Variants in RASL12 observed in about 807,000 individuals in gnomAD.
The protein encoded by RASL12 is RAS like family 12.
Under a neutral mutation model 22.9 loss-of-function variants are expected in RASL12, and 16 were observed. That is an observed-to-expected ratio of 0.70 (90% CI 0.47 to 1.06). The LOEUF is 1.06. RASL12 is among the 50% of genes least tolerant of loss of function. The pLI is 0.00. For synonymous variants in RASL12, 159 were observed against 152.2 expected, an observed-to-expected ratio of 1.04 and a Z score of -0.33; for missense variants, 306 against 353.1, an observed-to-expected ratio of 0.87 and a Z score of 1.07.
At chr15:65,068,127 T>G, upstream of RASL12, 1 of 1,022,122 alleles carries the variant, frequency 9.8e-7, no homozygotes, top group Non-Finnish European at 1.2e-6. This position sits in a 1 kb window ranked among gnomAD's most constrained non-coding sequence, Gnocchi z 4.2. Context: ...AGGGAGCTCC[T>G]GCCGGCCGCG....
intron 4 of RASL12, among the ~76,000 whole-genome samples, chr15:65,056,202 C>T (rs779913861): frequency 8.5e-5 from 13 of 152,134 alleles, no homozygotes; most frequent in South Asian, 2.1e-4. Context: ...TGAGCTGTCC[C>T]GCTGCCCATT....
chr15:65,052,959 C>T, downstream of RASL12: 1 of 1,513,056 alleles, frequency 6.6e-7, no homozygotes. Flanking sequence ...GTTCCCTGTC[C>T]CCCCAGAAAA....
intron 2 of RASL12, 83 bp from the exon 3 acceptor site, chr15:65,059,501 G>A: frequency 1.8e-6 from 2 of 1,084,474 alleles, no homozygotes; most frequent in Non-Finnish European, 2.8e-6. Context: ...CCCCTGTGTG[G>A]CCTGGGGGGA....
chr15:65,068,083 C>T (rs1195759888), upstream of RASL12: 14 of 1,061,524 alleles, frequency 1.3e-5, no homozygotes, highest in Middle Eastern at 4.3e-4. This position sits in a 1 kb window ranked among gnomAD's most constrained non-coding sequence, Gnocchi z 4.2. Flanking sequence ...CGGAGCCCCC[C>T]GCGGGGCGCG....
chr15:65,059,134 A>G (rs1453522936), intron 3 of RASL12, among the ~76,000 whole-genome samples: 1 of 152,238 alleles, frequency 6.6e-6, no homozygotes, highest in Non-Finnish European at 1.5e-5. Flanking sequence ...GCCAGCAACC[A>G]TCATGTCTCT....
At chr15:65,072,608 T>C (rs1038683266), upstream of RASL12, among the ~76,000 whole-genome samples, 1 of 152,132 alleles carries the variant, frequency 6.6e-6, no homozygotes, top group African/African-American at 2.4e-5. Context: ...CAAGAGGAGA[T>C]AATTATTAAG....
At chr15:65,065,971 C>G (rs1471528488) in intron 1 of RASL12, among the ~76,000 whole-genome samples, 1 of 151,300 alleles carries the variant, frequency 6.6e-6, no homozygotes, top group African/African-American at 2.4e-5. Context: ...CTATACTGGA[C>G]CCTCAAAAAG....
chr15:65,073,421 C>T (rs1413348547), intron 1 of RASL12, among the ~76,000 whole-genome samples: 1 of 152,170 alleles, frequency 6.6e-6, no homozygotes, highest in Non-Finnish European at 1.5e-5. Flanking sequence ...TCATAAGGAG[C>T]AGGCAACCTA....
chr15:65,050,833 C>CTTTTTTTTTT (rs67418433), downstream of RASL12, among the ~76,000 whole-genome samples: 15 of 88,600 alleles, frequency 1.7e-4, no homozygotes, highest in Middle Eastern at 8.5e-3. Context: ...TCTTCTTCTT[C>CTTTTTTTTTT]TTCTTTTTTT....
Position 65,054,689 on chromosome 15 carries a change from T to C in RASL12, c.*210A>G. Reference sequence around the variant, plus strand: ...CCCTCTACGGCCACAGACGCGGTGGTTACCATGAAGACCAAGGCCTGGAGG... The same window carrying C: ...CCCTCTACGGCCACAGACGCGGTGGCTACCATGAAGACCAAGGCCTGGAGG... On this transcript the variant is annotated 3_prime_UTR_variant, in exon 5 of 5. Transcript: ENST00000220062. 2.2e-6 allele frequency: 3 copies of C among 1,395,328 alleles called. No homozygotes were observed. Among genetic ancestry groups the C allele is most frequent in the Non-Finnish European group, 2.8e-6 (3 of 1,076,754 alleles). 86.4% of individuals were successfully genotyped at this position (1,395,328 alleles called of 1,614,324 possible).
In RASL12 at chr15:65,065,310, G is replaced by A. The variant is rs143940845; in HGVS notation, c.104-37C>T. The A allele has an allele frequency of 1.1e-3, 1,821 of 1,594,914 alleles. 8 individuals are homozygous for A. The highest frequency in any genetic ancestry group is 3.7e-3 in the South Asian group (328 of 88,100). On this transcript the variant is annotated intron_variant, in intron 1 of 4. Coordinates refer to ENST00000220062, the MANE Select transcript of RASL12 (RefSeq NM_016563.4). The stretch of plus-strand genomic sequence containing the variant: ...AGAAAGAGGTTGGCTCCATCTCCGC[G>A]GCCATGTCTAGCTGCTGGCCCCTCG...
intron 4 of RASL12, among the ~76,000 whole-genome samples, chr15:65,055,595 T>C (rs1367954368): frequency 6.6e-6 from 1 of 152,192 alleles, no homozygotes; most frequent in Non-Finnish European, 1.5e-5. Flanking sequence ...AAATCCCCTA[T>C]GCTAGACCCT....
chr15:65,068,105 C>A, upstream of RASL12: 2 of 1,042,888 alleles, frequency 1.9e-6, no homozygotes, highest in Non-Finnish European at 2.3e-6. The surrounding 1 kb of genome is among the most constrained non-coding windows in gnomAD (Gnocchi z 4.2). Context: ...TCAGCCGGCT[C>A]CTGGAGCAGG....
chr15:65,059,325 G>GTA lies in RASL12; in HGVS notation c.234+19_234+20insTA. ...CTATACTGACTCACAGCAGTGCATAGGTAATGGAGGTAATGTTACCAGGTC... is the reference window on the plus strand; with the variant it reads ...CTATACTGACTCACAGCAGTGCATAGTAGTAATGGAGGTAATGTTACCAGGTC... On this transcript the variant is annotated intron_variant, in intron 3 of 4. Transcript: ENST00000220062. The GTA allele has an allele frequency of 6.2e-7, 1 of 1,605,612 alleles. No individual in the cohort carries two copies. The highest frequency in any genetic ancestry group is 8.5e-7 in the Non-Finnish European group (1 of 1,172,280).
chr15:65,057,680 G>A (rs1433389170), intron 4 of RASL12, among the ~76,000 whole-genome samples: 2 of 152,268 alleles, frequency 1.3e-5, no homozygotes, highest in East Asian at 1.9e-4. Flanking sequence ...GGGAGGCTGC[G>A]TCTGGGTGAG....
At chr15:65,050,635 G>A (rs867345733), downstream of RASL12, among the ~76,000 whole-genome samples, 10 of 152,204 alleles carry the variant, frequency 6.6e-5, 1 homozygote, top group Middle Eastern at 3.4e-3. Flanking sequence ...AATTATTTGG[G>A]GGAGGAACAT....
chr15:65,067,904 G>T lies in RASL12; in HGVS notation c.-69C>A, dbSNP rs1379028796. The T allele has an allele frequency of 1.5e-6, 2 of 1,356,424 alleles. No individual in the cohort carries two copies. Among genetic ancestry groups the T allele is most frequent in the East Asian group, 6.3e-5 (2 of 31,718 alleles). 84.0% of individuals were successfully genotyped at this position (1,356,424 alleles called of 1,614,324 possible). On this transcript the variant is annotated 5_prime_UTR_variant, in exon 1 of 5. Transcript: ENST00000220062. ...CCGCGCAGTGCGCCCGCCCGTCGGG[G>T]CCCAGGGGAGCGGGATGCAGGCTTC...
At chr15:65,074,069 C>A (rs764545932) in intron 1 of RASL12, among the ~76,000 whole-genome samples, 13 of 152,210 alleles carry the variant, frequency 8.5e-5, no homozygotes, top group Non-Finnish European at 1.8e-4. Context: ...TGCTACCTTT[C>A]CCATTTTTCA....
downstream of RASL12, among the ~76,000 whole-genome samples, chr15:65,050,941 T>A (rs1187181438): frequency 1.3e-5 from 2 of 148,842 alleles, no homozygotes; most frequent in East Asian, 4.1e-4. Flanking sequence ...GCCTCCTGGA[T>A]TCAAGTGATT....
Sources: gnomAD v4.1 joint callset for allele counts (sites outside exome capture counted in the v4.1 genomes callset) on GRCh38, gnomAD v4.1.1 for gene constraint, Gnocchi (gnomAD v3.1) non-coding constraint, MANE v1.5 for transcripts, NCBI Gene and HGNC (gene_info 2026-07-23, HGNC 2026-07-21) for gene names.